SBNO2: variants seen among roughly 807,000 people sequenced by gnomAD.
The protein encoded by SBNO2 is strawberry notch homolog 2, also known as protein strawberry notch homolog 2.
Under a neutral mutation model 146.3 loss-of-function variants are expected in SBNO2, and 89 were observed. The observed-to-expected ratio is 0.61, with a 90% CI of 0.51 to 0.73. The LOEUF (loss-of-function observed/expected upper bound fraction) is 0.73. Among genes scored for constraint, SBNO2 ranks in the 30% least tolerant of loss-of-function variants. SBNO2 has a pLI of 0.00. For missense variants in SBNO2, 2,092 were observed against 2,003.7 expected, an observed-to-expected ratio of 1.04 and a Z score of -0.84; for synonymous variants, 1,147 against 892.6, an observed-to-expected ratio of 1.29 and a Z score of -5.08.
chr19:1,108,581 AGCGGGCGCGGG>A lies in SBNO2; in HGVS notation c.3729_3739del (p.Pro1244GlyfsTer124). 1.6e-6 allele frequency: 2 copies of A among 1,222,934 alleles called. No individual in the cohort carries two copies. The highest frequency in any genetic ancestry group is 2.1e-6 in the Non-Finnish European group (2 of 975,530). The allele number at this position is 1,222,934 out of a possible 1,614,324, so 75.8% of individuals were successfully genotyped here. On this transcript the variant is annotated frameshift_variant, in exon 32 of 32. Transcript: ENST00000361757. LOFTEE classifies it low-confidence loss of function (END_TRUNC). ...CTCTCCGGGGCCGCAAGGCAGCGCC[AGCGGGCGCGGG>A]GCGGGCGGGGCGGGGCAGCCCAGGG...
At position 1,119,042 on chromosome 19, in the gene SBNO2, A is replaced by C; in HGVS notation, c.1496T>G (p.Phe499Cys). The change falls in exon 14 of 32, where the codon TTC becomes TGC. Residue 499 changes from phenylalanine (F) to cysteine (C), a missense_variant. By Grantham distance (205) the Phe-to-Cys change is radical. Coordinates refer to ENST00000361757, the MANE Select transcript of SBNO2 (RefSeq NM_014963.3). ...GGCCGCGCGGTTGTAGACGCACTCG[A>C]AGGCTGGGGCCAGCGGGATCTCCTC... ...RIEEIPLAPA[F>C]ECVYNRAALL... 1.2e-6 allele frequency: 2 copies of C among 1,604,410 alleles called. No homozygotes were observed. The highest frequency in any genetic ancestry group is 1.7e-6 in the Non-Finnish European group (2 of 1,177,256).
Position 1,144,195 on chromosome 19 carries a change from C to T in SBNO2, c.279+3114G>A, listed in dbSNP as rs1005710214. Reference sequence around the variant, plus strand: ...GCATCCCGTCCCACACTCGACACCACAGAACCTTGCGGCCCAGCCCACAGG... The same window carrying T: ...GCATCCCGTCCCACACTCGACACCATAGAACCTTGCGGCCCAGCCCACAGG... On this transcript the variant is annotated intron_variant, in intron 4 of 31. Coordinates refer to ENST00000361757, the MANE Select transcript of SBNO2 (RefSeq NM_014963.3). This position sits in a 1 kb window ranked among gnomAD's most constrained non-coding sequence, Gnocchi z 4.1. Among the ~76,000 whole-genome samples, 3 of 151,740 alleles carry T rather than the reference C, an allele frequency of 2.0e-5. No individual in the cohort carries two copies. Among genetic ancestry groups the T allele is most frequent in the African/African-American group, 7.3e-5 (3 of 41,266 alleles).
At chr19:1,131,231 C>A (rs552077030) in intron 4 of SBNO2, among the ~76,000 whole-genome samples, 48 of 152,308 alleles carry the variant, frequency 3.2e-4, no homozygotes, top group African/African-American at 1.0e-3. Context: ...CTCAGCGGAC[C>A]CAGTGCCTCC....
chr19:1,128,708 C>T (rs1252173504), intron 4 of SBNO2, among the ~76,000 whole-genome samples: 2 of 150,782 alleles, frequency 1.3e-5, no homozygotes, highest in African/African-American at 4.9e-5. Flanking sequence ...TGATGTCTCA[C>T]GCCTGTAATC....
chr19:1,163,300 C>T (rs908961596), intron 1 of SBNO2, among the ~76,000 whole-genome samples: 2 of 151,648 alleles, frequency 1.3e-5, no homozygotes, highest in Admixed American at 6.5e-5. Context: ...CGCATGGAGA[C>T]GGAGCAGAGG....
chr19:1,109,422 A>T lies in SBNO2; in HGVS notation c.3218T>A (p.Val1073Asp). ...CAGGCAGCTGGGCTTGTTACCGCGG[A>T]CCTGCGGAGGGGGGCGTTGAGGCCG... ...PYDGFYLSYK[V>D]RGNKPSCLLA... Residue 1073 changes from valine (V) to aspartate (D), a missense_variant and splice_region_variant, in exon 29 of 32, where the codon GTC becomes GAC. Physicochemically the swap from Val to Asp is radical, Grantham distance 152. Transcript: ENST00000361757. The surrounding 1 kb of genome is among the most constrained non-coding windows in gnomAD (Gnocchi z 4.2). 1 of 1,564,548 alleles carries T rather than the reference A, an allele frequency of 6.4e-7. No homozygotes were observed. The highest frequency in any genetic ancestry group is 8.7e-7 in the Non-Finnish European group (1 of 1,155,664).
intron 17 of SBNO2, 53 bp downstream of exon 17, chr19:1,115,968 G>T (rs758848280): frequency 8.2e-6 from 12 of 1,455,516 alleles, no homozygotes; most frequent in East Asian, 4.8e-5. Context: ...CAGCCCCCGG[G>T]GGGAGAAAGC....
At chr19:1,151,777 C>T (rs557279259) in intron 2 of SBNO2, among the ~76,000 whole-genome samples, 2 of 152,334 alleles carry the variant, frequency 1.3e-5, no homozygotes, top group African/African-American at 2.4e-5. Context: ...ATTCTCCTGT[C>T]TCAGCCTCAT....
intron 3 of SBNO2, among the ~76,000 whole-genome samples, chr19:1,148,149 G>C (rs1321149647): frequency 6.6e-6 from 1 of 152,012 alleles, no homozygotes; most frequent in Non-Finnish European, 1.5e-5. Context: ...AGGGCTGGCA[G>C]CAGGTCCAGG....
At position 1,109,023 on chromosome 19, in the gene SBNO2, T is replaced by C; in HGVS notation, c.3426-54A>G. 2.0e-6 allele frequency: 3 copies of C among 1,490,368 alleles called. No individual in the cohort carries two copies. Among genetic ancestry groups the C allele is most frequent in the Non-Finnish European group, 2.7e-6 (3 of 1,122,136 alleles). The allele number at this position is 1,490,368 out of a possible 1,614,324, so 92.3% of individuals were successfully genotyped here. A position where few individuals can be genotyped will look rare whatever the true frequency, so the allele number is the denominator to read the frequency against. On this transcript the variant is annotated intron_variant, in intron 30 of 31. Coordinates refer to ENST00000361757, the MANE Select transcript of SBNO2 (RefSeq NM_014963.3). This position sits in a 1 kb window ranked among gnomAD's most constrained non-coding sequence, Gnocchi z 4.2. ...AGGCGGGTCCCAGGGGCCCGCAGGC[T>C]CCCCAGGTGCCCTGAGATCTCCCGC...
In SBNO2 at chr19:1,109,432, G is replaced by T; in HGVS notation, c.3217-9C>A. 1.3e-6 allele frequency: 2 copies of T among 1,564,074 alleles called. No homozygotes were observed. The highest frequency in any genetic ancestry group is 8.7e-7 in the Non-Finnish European group (1 of 1,155,450). On this transcript the variant is annotated splice_polypyrimidine_tract_variant and intron_variant, in intron 28 of 31. Coordinates refer to ENST00000361757, the MANE Select transcript of SBNO2 (RefSeq NM_014963.3). This position sits in a 1 kb window ranked among gnomAD's most constrained non-coding sequence, Gnocchi z 4.2. ...GGCTTGTTACCGCGGACCTGCGGAG[G>T]GGGGCGTTGAGGCCGCGCCCCGGTC... is the stretch of plus-strand genomic sequence containing the variant.
chr19:1,130,857 A>G (rs751715003), intron 4 of SBNO2, among the ~76,000 whole-genome samples: 8 of 152,202 alleles, frequency 5.3e-5, no homozygotes, highest in Non-Finnish European at 8.8e-5. Context: ...AGGCTTCAAG[A>G]ACGCAGCCTC....
Position 1,108,598 on chromosome 19 carries a change from C to A in SBNO2, c.3723G>T (p.Pro1241=). The change falls in exon 32 of 32, where the codon CCG becomes CCT. Residue 1241 remains proline (P), a synonymous_variant. Coordinates refer to ENST00000361757, the MANE Select transcript of SBNO2 (RefSeq NM_014963.3). The part of the protein sequence containing the change: ...RQAPALGCPA[P]PAPRPLALPC... ...GCAGCGCCAGCGGGCGCGGGGCGGG[C>A]GGGGCGGGGCAGCCCAGGGCGGGCG... is the stretch of plus-strand genomic sequence containing the variant. 2.0e-6 allele frequency: 1 copy of A among 494,186 alleles called. No individual in the cohort carries two copies. The highest frequency in any genetic ancestry group is 2.8e-5 in the South Asian group (1 of 35,954). 30.6% of individuals were successfully genotyped at this position (494,186 alleles called of 1,614,324 possible). A position where few individuals can be genotyped will look rare whatever the true frequency, so the allele number is the denominator to read the frequency against.
intron 4 of SBNO2, 91 bp downstream of exon 4, chr19:1,147,218 G>T: frequency 1.2e-6 from 1 of 856,514 alleles, no homozygotes; most frequent in Non-Finnish European, 1.8e-6. Flanking sequence ...GTCCCAGGCA[G>T]GCCTGAGCGA....
chr19:1,116,922 A>G lies in SBNO2; in HGVS notation c.1709T>C (p.Val570Ala). Reference sequence around the variant, plus strand: ...GCCCGTGGACTGCAGCCCGATGACCACGCACTGTGGGACGGCAGAGGACTG... The same window carrying G: ...GCCCGTGGACTGCAGCCCGATGACCGCGCACTGTGGGACGGCAGAGGACTG... ...AREELARDKC[V>A]VIGLQSTGEA... Residue 570 changes from valine to alanine, a missense_variant, in exon 16 of 32, where the codon GTG (valine) becomes GCG (alanine). Physicochemically the swap from Val to Ala is moderately conservative, Grantham distance 64. Transcript: ENST00000361757. 6.4e-7 allele frequency: 1 copy of G among 1,556,930 alleles called. No homozygotes were observed. The highest frequency in any genetic ancestry group is 8.6e-7 in the Non-Finnish European group (1 of 1,156,944).
intron 1 of SBNO2, among the ~76,000 whole-genome samples, chr19:1,170,102 C>T (rs867612483): frequency 7.2e-5 from 11 of 152,244 alleles, no homozygotes; most frequent in Admixed American, 5.9e-4. Flanking sequence ...TCCGCAAGCA[C>T]GTCTCCGCAG....
chr19:1,108,008 G>A lies in SBNO2; in HGVS notation c.*212C>T, dbSNP rs1296143486. On this transcript the variant is annotated 3_prime_UTR_variant, in exon 32 of 32. Coordinates refer to ENST00000361757, the MANE Select transcript of SBNO2 (RefSeq NM_014963.3). ...TCCTACTTGGGAGGAGAGGCACAGAGAGGGCCCTGCCACGCCCCGGCCCCC... is the reference window on the plus strand; with the variant it reads ...TCCTACTTGGGAGGAGAGGCACAGAAAGGGCCCTGCCACGCCCCGGCCCCC... 3.4e-5 allele frequency: 13 copies of A among 384,590 alleles called. No individual in the cohort carries two copies. The highest frequency in any genetic ancestry group is 5.9e-5 in the Non-Finnish European group (13 of 218,846). The allele number at this position is 384,590 out of a possible 1,614,324, so 23.8% of individuals were successfully genotyped here.
chr19:1,114,267 T>C lies in SBNO2; in HGVS notation c.2041A>G (p.Ile681Val), dbSNP rs757088932. The C allele has an allele frequency of 4.7e-5, 72 of 1,544,144 alleles. No homozygotes were observed. The highest frequency in any genetic ancestry group is 3.4e-4 in the Middle Eastern group (2 of 5,954). Residue 681 changes from isoleucine (I) to valine (V), a missense_variant, in exon 18 of 32, where the codon ATC becomes GTC. Coordinates refer to ENST00000361757, the MANE Select transcript of SBNO2 (RefSeq NM_014963.3). Reference sequence around the variant, plus strand: ...CTGGGGAGCCCGACTGCATCAACGATGACAACGTCGTCATCCACCAGGGAC... The same window carrying C: ...CTGGGGAGCCCGACTGCATCAACGACGACAACGTCGTCATCCACCAGGGAC... ...PESLVDDDVV[I>V]VDAVGLPSDD...
chr19:1,154,138 GCCCGTGGA>G, intron 2 of SBNO2, 38 bp downstream of exon 2: 2 of 976,334 alleles, frequency 2.0e-6, no homozygotes, highest in Non-Finnish European at 2.6e-6. Context: ...CGGGGCAAGT[GCCCGTGGA>G]CCCCGTCGGG....
Sources: gnomAD v4.1 joint callset for allele counts (sites outside exome capture counted in the v4.1 genomes callset) on GRCh38, gnomAD v4.1.1 for gene constraint, Gnocchi (gnomAD v3.1) non-coding constraint, MANE v1.5 for transcripts, NCBI Gene and HGNC (gene_info 2026-07-23, HGNC 2026-07-21) for gene names.